Variants in GALNTL6 observed in about 807,000 individuals in gnomAD.
The protein encoded by GALNTL6 is polypeptide N-acetylgalactosaminyltransferase-like 6.
A neutral mutation model predicts 73.7 loss-of-function variants in GALNTL6; 46 were observed. That is an observed-to-expected ratio of 0.62 (90% CI 0.49 to 0.80). The LOEUF (loss-of-function observed/expected upper bound fraction) is 0.80, where lower values mean the gene tolerates loss of function less well. GALNTL6 is among the 30% of genes least tolerant of loss of function. The pLI is 0.00. For synonymous variants in GALNTL6, 259 were observed against 263.7 expected, an observed-to-expected ratio of 0.98 and a Z score of 0.17; for missense variants, 604 against 755.0, an observed-to-expected ratio of 0.80 and a Z score of 2.34.
At chr4:172,976,455 G>T (rs1471523829) in intron 10 of GALNTL6, among the ~76,000 whole-genome samples, 1 of 152,040 alleles carries the variant, frequency 6.6e-6, no homozygotes, top group African/African-American at 2.4e-5. Flanking sequence ...ATCCCTGCAG[G>T]GGTACTCAGC....
At chr4:172,092,919 G>A (rs1400632456) in intron 2 of GALNTL6, among the ~76,000 whole-genome samples, 1 of 136,912 alleles carries the variant, frequency 7.3e-6, no homozygotes, top group Non-Finnish European at 1.5e-5. Flanking sequence ...CTGTCACCAC[G>A]CTACAGTGCA....
At chr4:173,018,384 A>G (rs561849803) in intron 11 of GALNTL6, among the ~76,000 whole-genome samples, 1 of 152,350 alleles carries the variant, frequency 6.6e-6, no homozygotes, top group African/African-American at 2.4e-5. Context: ...TAGTTAACAT[A>G]TAATAACAGA....
rs373172875 is a variant in GALNTL6, at chr4:172,115,452, A to G, written c.139-114204A>G. On this transcript the variant is annotated intron_variant, in intron 2 of 12. Transcript: ENST00000506823. ...ATAGATTGTAAAGAGCAAAGAAAGC[A>G]CACATCTTAATCTTCTTCCATTTTT... 2.7e-4 allele frequency among the ~76,000 whole-genome samples: 41 copies of G among 152,308 alleles called. 1 individual carries two copies. The East Asian group carries it at 5.2e-3, about 19-fold the overall frequency.
chr4:171,923,020 C>A (rs867725296), intron 2 of GALNTL6, among the ~76,000 whole-genome samples: 2 of 151,590 alleles, frequency 1.3e-5, no homozygotes, highest in Middle Eastern at 3.4e-3. Context: ...ATATCTAAGA[C>A]CAAAAAGCAT....
intron 7 of GALNTL6, among the ~76,000 whole-genome samples, chr4:172,822,335 G>C (rs1035153159): frequency 6.6e-6 from 1 of 151,988 alleles, no homozygotes; most frequent in African/African-American, 2.4e-5. Flanking sequence ...ACTTCTGTAA[G>C]GGCCATTCAA....
chr4:172,758,772 T>A (rs183770936), intron 5 of GALNTL6, among the ~76,000 whole-genome samples: 1 of 152,318 alleles, frequency 6.6e-6, no homozygotes, highest in Admixed American at 6.5e-5. Context: ...TGGTCCAGCA[T>A]ATCCATGATG....
At chr4:172,325,651 A>G (rs1222513774) in intron 4 of GALNTL6, among the ~76,000 whole-genome samples, 1 of 151,956 alleles carries the variant, frequency 6.6e-6, no homozygotes, top group Non-Finnish European at 1.5e-5. Flanking sequence ...AATAATCTAT[A>G]TGGTAATATA....
intron 2 of GALNTL6, among the ~76,000 whole-genome samples, chr4:171,935,319 A>G (rs890911889): frequency 3.3e-5 from 5 of 152,182 alleles, no homozygotes; most frequent in East Asian, 3.9e-4. Context: ...GTCAAGTTAT[A>G]TATTAGTGAT....
At chr4:172,920,213 T>C (rs1747725554) in intron 8 of GALNTL6, among the ~76,000 whole-genome samples, 1 of 152,224 alleles carries the variant, frequency 6.6e-6, no homozygotes, top group African/African-American at 2.4e-5. Context: ...TATTTCATTC[T>C]GATCAACAAA....
chr4:172,424,687 A>G (rs1046168839), intron 5 of GALNTL6, among the ~76,000 whole-genome samples: 3 of 152,058 alleles, frequency 2.0e-5, no homozygotes, highest in Admixed American at 1.3e-4. Flanking sequence ...TTGCCCTGAT[A>G]TCAATATCCA....
intron 2 of GALNTL6, among the ~76,000 whole-genome samples, chr4:171,863,104 C>A (rs1470583087): frequency 6.6e-6 from 1 of 152,092 alleles, no homozygotes; most frequent in Non-Finnish European, 1.5e-5. Context: ...CATTGGCTTA[C>A]AGGATTGAAT....
chr4:172,530,133 C>T (rs1397565246), intron 5 of GALNTL6, among the ~76,000 whole-genome samples: 2 of 151,986 alleles, frequency 1.3e-5, no homozygotes, highest in East Asian at 3.9e-4. Flanking sequence ...AAGCCTAGAG[C>T]TCACTGAAAA....
intron 2 of GALNTL6, among the ~76,000 whole-genome samples, chr4:172,093,661 T>A (rs1732270812): frequency 6.6e-6 from 1 of 152,192 alleles, no homozygotes; most frequent in Non-Finnish European, 1.5e-5. Flanking sequence ...TCCAGTCAGA[T>A]TAGCATCAGC....
rs552582539 is a variant in GALNTL6 at position 172,067,822 on chromosome 4, A to G, written c.139-161834A>G. Among the ~76,000 whole-genome samples, 26 of 110,402 alleles carry G rather than the reference A, an allele frequency of 2.4e-4. 10 individuals carry two copies. Among genetic ancestry groups the G allele is most frequent in the Non-Finnish European group, 6.1e-5 (3 of 49,472 alleles). 72.4% of individuals were successfully genotyped at this position (110,402 alleles called of 152,430 possible). A position where few individuals can be genotyped will look rare whatever the true frequency, so the allele number is the denominator to read the frequency against. On this transcript the variant is annotated intron_variant, in intron 2 of 12. Transcript: ENST00000506823. ...TGCTAAAGCAGTGCCTTCCTGACCA[A>G]AGGTGAAAACAGAGCTTTCATTGGG...
At chr4:171,841,973 T>C (rs1449749249) in intron 2 of GALNTL6, among the ~76,000 whole-genome samples, 1 of 152,142 alleles carries the variant, frequency 6.6e-6, no homozygotes, top group Non-Finnish European at 1.5e-5. Flanking sequence ...TGAAAGTATG[T>C]ATATTTCATG....
At chr4:172,547,976 C>T (rs748783538) in intron 5 of GALNTL6, among the ~76,000 whole-genome samples, 1 of 152,106 alleles carries the variant, frequency 6.6e-6, no homozygotes, top group Non-Finnish European at 1.5e-5. Flanking sequence ...TGGGGTGGGG[C>T]TTGTCCGATT....
At chr4:172,194,264 T>C (rs193218994) in intron 2 of GALNTL6, among the ~76,000 whole-genome samples, 1 of 152,180 alleles carries the variant, frequency 6.6e-6, no homozygotes, top group Admixed American at 6.5e-5. Flanking sequence ...CTTGCTGAAA[T>C]AAGACTAGCA....
chr4:172,346,293 A>G (rs942619124), intron 4 of GALNTL6, among the ~76,000 whole-genome samples: 1 of 152,258 alleles, frequency 6.6e-6, no homozygotes, highest in Non-Finnish European at 1.5e-5. Context: ...TGACGTCTCA[A>G]CAGTACATGG....
At chr4:172,744,301 A>C (rs1736972026) in intron 5 of GALNTL6, among the ~76,000 whole-genome samples, 1 of 152,136 alleles carries the variant, frequency 6.6e-6, no homozygotes, top group Non-Finnish European at 1.5e-5. Context: ...GATATCAGTA[A>C]TAAATTCCCT....
Sources: gnomAD v4.1 joint callset for allele counts (sites outside exome capture counted in the v4.1 genomes callset) on GRCh38, gnomAD v4.1.1 for gene constraint, MANE v1.5 for transcripts, NCBI Gene and HGNC (gene_info 2026-07-23, HGNC 2026-07-21) for gene names.